The following RASGEF1A variants were observed in gnomAD, a reference collection of about 807,000 sequenced individuals.
The protein encoded by RASGEF1A is ras-GEF domain-containing family member 1A.
A neutral mutation model predicts 56.4 loss-of-function variants in RASGEF1A; 18 were observed. The ratio of observed to expected loss-of-function variants is 0.32; its 90% confidence interval spans 0.22 to 0.47. The LOEUF is 0.47. Among genes scored for constraint, RASGEF1A ranks in the 20% least tolerant of loss-of-function variants. The probability of loss-of-function intolerance (pLI) is 1.00; values close to 1 mark genes in which losing one functional copy is unlikely to be tolerated. For missense variants in RASGEF1A, 422 were observed against 627.1 expected (o/e 0.67, Z 3.49); for synonymous variants, 245 against 242.6 (o/e 1.01, Z -0.09).
chr10:43,205,785 G>T, intron 2 of RASGEF1A, 134 bp downstream of exon 2: 1 of 703,974 alleles, frequency 1.4e-6, no homozygotes, highest in Non-Finnish European at 2.4e-6. Flanking sequence ...GTGGGCCTGG[G>T]CCCCCCACTG....
chr10:43,253,993 C>T (rs1840657082), intron 1 of RASGEF1A, among the ~76,000 whole-genome samples: 1 of 152,200 alleles, frequency 6.6e-6, no homozygotes, highest in Non-Finnish European at 1.5e-5. Context: ...TAAGCTGGGC[C>T]TGGGGCAGGC....
chr10:43,215,749 C>G (rs1840128404), intron 1 of RASGEF1A, among the ~76,000 whole-genome samples: 1 of 152,180 alleles, frequency 6.6e-6, no homozygotes, highest in Non-Finnish European at 1.5e-5. Context: ...CAGAGAGCAC[C>G]CCACAGAGCC....
intron 1 of RASGEF1A, among the ~76,000 whole-genome samples, chr10:43,251,732 A>T (rs1840629680): frequency 6.6e-6 from 1 of 151,576 alleles, no homozygotes; most frequent in Admixed American, 6.6e-5. Context: ...GGGAATCCAC[A>T]CTCTCTGGCT....
intron 1 of RASGEF1A, among the ~76,000 whole-genome samples, chr10:43,259,579 C>T (rs1200942353): frequency 6.6e-6 from 1 of 152,216 alleles, no homozygotes; most frequent in Non-Finnish European, 1.5e-5. Flanking sequence ...TGGTGCTTGT[C>T]CTTCCCACAC....
chr10:43,244,964 T>G (rs1840553799), intron 1 of RASGEF1A, among the ~76,000 whole-genome samples: 1 of 145,116 alleles, frequency 6.9e-6, no homozygotes, highest in African/African-American at 2.6e-5. Flanking sequence ...AATACTAGAG[T>G]GAAAGTAAAT....
At chr10:43,221,207 C>T (rs1403492638) in intron 1 of RASGEF1A, among the ~76,000 whole-genome samples, 4 of 152,148 alleles carry the variant, frequency 2.6e-5, no homozygotes, top group South Asian at 2.1e-4. Context: ...CACTGTGGTT[C>T]GCTCCCGCCT....
chr10:43,264,628 G>A (rs1836591653), intron 1 of RASGEF1A, among the ~76,000 whole-genome samples: 1 of 151,172 alleles, frequency 6.6e-6, no homozygotes, highest in South Asian at 2.1e-4. Flanking sequence ...CCAAGCAGAT[G>A]GCCTCAGGAG....
At chr10:43,254,464 G>A (rs1366567820) in intron 1 of RASGEF1A, among the ~76,000 whole-genome samples, 1 of 152,236 alleles carries the variant, frequency 6.6e-6, no homozygotes, top group Non-Finnish European at 1.5e-5. Context: ...TGTGGGCTGT[G>A]CTCTTCCTGC....
At position 43,220,361 on chromosome 10, in the gene RASGEF1A, C is replaced by T. The variant is rs142452157; in HGVS notation, c.-6-14239G>A. Among the ~76,000 whole-genome samples, 23 of 152,178 alleles carry T rather than the reference C, an allele frequency of 1.5e-4. No individual in the cohort carries two copies. The East Asian group carries it at 3.9e-3, about 26-fold the overall frequency. On this transcript the variant is annotated intron_variant, in intron 1 of 12. Coordinates refer to ENST00000395810, the MANE Select transcript of RASGEF1A (RefSeq NM_145313.4). ...CAGAAAAATTAGCCAGGGGCAGTGGCATACACCTGTAATCCCAGCTACTCA... is the reference window on the plus strand; with the variant it reads ...CAGAAAAATTAGCCAGGGGCAGTGGTATACACCTGTAATCCCAGCTACTCA...
At chr10:43,211,727 G>T (rs767861039) in intron 1 of RASGEF1A, among the ~76,000 whole-genome samples, 9 of 152,056 alleles carry the variant, frequency 5.9e-5, no homozygotes, top group Admixed American at 2.6e-4. Context: ...TCATGCCCTT[G>T]TCCACACCCC....
chr10:43,215,156 A>G (rs1294819759), intron 1 of RASGEF1A, among the ~76,000 whole-genome samples: 1 of 152,150 alleles, frequency 6.6e-6, no homozygotes, highest in East Asian at 1.9e-4. Context: ...TCAAATTAAG[A>G]AACCCAGCTT....
intron 1 of RASGEF1A, among the ~76,000 whole-genome samples, chr10:43,213,989 G>A (rs74135475): frequency 0.017 from 2,537 of 152,262 alleles, 82 homozygotes; most frequent in African/African-American, 0.058. Flanking sequence ...ACAGAGAGAG[G>A]CCATCTGCCT....
intron 1 of RASGEF1A, among the ~76,000 whole-genome samples, chr10:43,252,555 C>G (rs996672681): frequency 1.3e-5 from 2 of 152,122 alleles, no homozygotes; most frequent in Non-Finnish European, 2.9e-5. Context: ...AACCCAACTG[C>G]CTGGCCAGGC....
chr10:43,255,404 C>T (rs1402457546), intron 1 of RASGEF1A, among the ~76,000 whole-genome samples: 1 of 152,078 alleles, frequency 6.6e-6, no homozygotes, highest in African/African-American at 2.4e-5. Context: ...TGACCACTGT[C>T]CTGACCCAGC....
At chr10:43,209,458 ACTT>A (rs1840036968) in intron 1 of RASGEF1A, among the ~76,000 whole-genome samples, 1 of 152,136 alleles carries the variant, frequency 6.6e-6, no homozygotes, top group African/African-American at 2.4e-5. Context: ...TGGAGCCTTA[ACTT>A]CTTTGTCTGT....
At chr10:43,206,973 G>T (rs1239258738) in intron 1 of RASGEF1A, 13 of 985,352 alleles carry the variant, frequency 1.3e-5, no homozygotes, top group African/African-American at 1.7e-5. Flanking sequence ...GCTGTGATGG[G>T]GCTCAGGGTC....
At chr10:43,242,741 C>A (rs183039395) in intron 1 of RASGEF1A, among the ~76,000 whole-genome samples, 11 of 152,180 alleles carry the variant, frequency 7.2e-5, no homozygotes, top group African/African-American at 2.4e-4. Context: ...CTGTGTTGAC[C>A]GGGCTGGTTT....
At chr10:43,224,395 AT>A (rs1840246560) in intron 1 of RASGEF1A, among the ~76,000 whole-genome samples, 1 of 152,218 alleles carries the variant, frequency 6.6e-6, no homozygotes, top group African/African-American at 2.4e-5. Flanking sequence ...ACTCAGCAGC[AT>A]TTTTAAGCAC....
At chr10:43,265,633 A>C (rs924696605) in intron 1 of RASGEF1A, among the ~76,000 whole-genome samples, 6 of 152,368 alleles carry the variant, frequency 3.9e-5, no homozygotes, top group Admixed American at 1.3e-4. Flanking sequence ...TCAGGGTGGA[A>C]ATGTCCTCAG....
Sources: gnomAD v4.1 joint callset for allele counts (sites outside exome capture counted in the v4.1 genomes callset) on GRCh38, gnomAD v4.1.1 for gene constraint, MANE v1.5 for transcripts, NCBI Gene and HGNC (gene_info 2026-07-23, HGNC 2026-07-21) for gene names.